The following FGF14 variants were observed in gnomAD, a reference collection of about 807,000 sequenced individuals.
FGF14 encodes the protein fibroblast growth factor homologous factor 4.
Under a neutral mutation model 25.5 loss-of-function variants are expected in FGF14, and 5 were observed. That is an observed-to-expected ratio of 0.20 (90% CI 0.10 to 0.41). The LOEUF (loss-of-function observed/expected upper bound fraction) is 0.41. FGF14 is among the 10% of genes least tolerant of loss of function. FGF14 has a pLI of 1.00. For synonymous variants in FGF14, 138 were observed against 118.3 expected (o/e 1.17, Z -1.08); for missense variants, 222 against 320.1 (o/e 0.69, Z 2.34).
chr13:102,143,943 A>G (rs1358982603), intron 1 of FGF14, among the ~76,000 whole-genome samples: 2 of 152,170 alleles, frequency 1.3e-5, no homozygotes, highest in Non-Finnish European at 2.9e-5. Flanking sequence ...AGTTTCCTAC[A>G]AAGTAGAAGT....
chr13:101,866,129 T>G (rs6491652), intron 3 of FGF14, among the ~76,000 whole-genome samples: 1 of 151,720 alleles, frequency 6.6e-6, no homozygotes, highest in African/African-American at 2.4e-5. Context: ...TCTTGACAAA[T>G]TTTCTATTAT....
At chr13:102,389,776 C>T (rs1483588154) in intron 1 of FGF14, among the ~76,000 whole-genome samples, 1 of 149,664 alleles carries the variant, frequency 6.7e-6, no homozygotes, top group African/African-American at 2.4e-5. Flanking sequence ...CTGAGACACT[C>T]AGCATTGCCC....
At chr13:102,163,472 G>A (rs1244348169) in intron 1 of FGF14, among the ~76,000 whole-genome samples, 2 of 152,176 alleles carry the variant, frequency 1.3e-5, no homozygotes, top group Non-Finnish European at 2.9e-5. Context: ...GAAGTTTAGA[G>A]CAAGTGGAAG....
At chr13:102,149,774 G>T (rs1380692984) in intron 1 of FGF14, among the ~76,000 whole-genome samples, 1 of 152,204 alleles carries the variant, frequency 6.6e-6, no homozygotes, top group Non-Finnish European at 1.5e-5. Context: ...CAGAGCTCCG[G>T]AAGCCTTGTA....
chr13:101,788,903 TATATATAGAGAGAGAGAG>T (rs1428684648), intron 3 of FGF14, among the ~76,000 whole-genome samples: 102 of 35,628 alleles, frequency 2.9e-3, no homozygotes, highest in African/African-American at 8.1e-3. Context: ...TATATATATA[TATATATAGAGAGAGAGAG>T]AGAGAGAGAG....
intron 1 of FGF14, among the ~76,000 whole-genome samples, chr13:102,306,935 GC>G (rs1594799604): frequency 6.6e-6 from 1 of 152,202 alleles, no homozygotes; most frequent in East Asian, 1.9e-4. Flanking sequence ...AGAGGGTGCT[GC>G]AGAAGTGATT....
Position 101,715,787 on chromosome 13 carries a change from C to A in FGF14, c.*7044G>T. 1.8e-6 allele frequency: 1 copy of A among 557,880 alleles called. No individual in the cohort carries two copies. Among genetic ancestry groups the A allele is most frequent in the Non-Finnish European group, 3.2e-6 (1 of 307,726 alleles). The allele number at this position is 557,880 out of a possible 1,614,324, so 34.6% of individuals were successfully genotyped here. A position where few individuals can be genotyped will look rare whatever the true frequency, so the allele number is the denominator to read the frequency against. ...TGTATGTTTTTCTATTTCTGAATTACGAATGAAATCCGAGTACCTATTAGA... is the reference window on the plus strand; with the variant it reads ...TGTATGTTTTTCTATTTCTGAATTAAGAATGAAATCCGAGTACCTATTAGA... On this transcript the variant is annotated 3_prime_UTR_variant, in exon 5 of 5. Coordinates refer to ENST00000376143, the MANE Select transcript of FGF14 (RefSeq NM_004115.4).
At chr13:101,819,456 G>C (rs2042005650) in intron 3 of FGF14, among the ~76,000 whole-genome samples, 1 of 152,160 alleles carries the variant, frequency 6.6e-6, no homozygotes, top group South Asian at 2.1e-4. Flanking sequence ...GTGAATAGGA[G>C]AGAAATGGGC....
chr13:101,900,713 G>A (rs906677245), intron 1 of FGF14, among the ~76,000 whole-genome samples: 4 of 152,110 alleles, frequency 2.6e-5, no homozygotes, highest in African/African-American at 9.7e-5. Flanking sequence ...TTTCTTGGGG[G>A]CCGGGTAGTG....
intron 1 of FGF14, among the ~76,000 whole-genome samples, chr13:102,065,861 G>A (rs1166879873): frequency 6.6e-6 from 1 of 151,818 alleles, no homozygotes; most frequent in East Asian, 1.9e-4. Context: ...TATTTGACCA[G>A]GAATTTACCA....
intron 1 of FGF14, among the ~76,000 whole-genome samples, chr13:102,332,184 T>C (rs909979207): frequency 6.6e-6 from 1 of 152,130 alleles, no homozygotes; most frequent in African/African-American, 2.4e-5. Context: ...GGGAAACTTT[T>C]TAAAGTTTTT....
At position 102,237,028 on chromosome 13, in the gene FGF14, T is replaced by C. The variant is rs544751873; in HGVS notation, c.208+164443A>G. ...GTCCCAAGAATGCCATTCTCCTGTG[T>C]GATCACGCCTCACAGGTATTGCTGG... On this transcript the variant is annotated intron_variant, in intron 1 of 4. Transcript: ENST00000376131. Among the ~76,000 whole-genome samples the C allele has an allele frequency of 4.6e-5, 7 of 152,262 alleles. No individual in the cohort carries two copies. In the South Asian group the frequency reaches 1.5e-3, roughly 32 times the overall value.
At chr13:102,082,798 CAAAA>C in intron 1 of FGF14, among the ~76,000 whole-genome samples, 1 of 146,594 alleles carries the variant, frequency 6.8e-6, no homozygotes, top group East Asian at 2.0e-4. Context: ...ACTAAAAATA[CAAAA>C]AAAAAATTAG....
At chr13:102,041,855 T>C (rs10508082) in intron 1 of FGF14, among the ~76,000 whole-genome samples, 4,047 of 152,202 alleles carry the variant, frequency 0.027, 198 homozygotes, top group African/African-American at 0.092. Flanking sequence ...TGGACATGAT[T>C]TCCTCACATT....
chr13:102,080,480 T>C (rs1223779109), intron 1 of FGF14, among the ~76,000 whole-genome samples: 2 of 152,188 alleles, frequency 1.3e-5, no homozygotes, highest in African/African-American at 4.8e-5. Flanking sequence ...TTTCTCACCC[T>C]TTGACTGCTG....
chr13:101,765,344 T>C (rs1417978963), intron 3 of FGF14, among the ~76,000 whole-genome samples: 2 of 152,208 alleles, frequency 1.3e-5, no homozygotes, highest in Admixed American at 1.3e-4. Context: ...TGCAGACCCT[T>C]GCTTGGCTGC....
intron 3 of FGF14, among the ~76,000 whole-genome samples, chr13:101,842,426 T>C (rs896942301): frequency 2.6e-5 from 4 of 152,134 alleles, no homozygotes; most frequent in South Asian, 2.1e-4. Flanking sequence ...ATAAAGATCC[T>C]CTTCAACACA....
intron 1 of FGF14, among the ~76,000 whole-genome samples, chr13:102,025,931 A>G (rs1306397129): frequency 1.3e-5 from 2 of 151,912 alleles, no homozygotes; most frequent in Non-Finnish European, 1.5e-5. Flanking sequence ...CATTATCTAT[A>G]TAGGGGGTTG....
chr13:102,231,055 C>A (rs2051063682), intron 1 of FGF14, among the ~76,000 whole-genome samples: 1 of 152,100 alleles, frequency 6.6e-6, no homozygotes, highest in Non-Finnish European at 1.5e-5. Flanking sequence ...TGAATTATTT[C>A]CCTTTTCTTT....
Sources: gnomAD v4.1 joint callset for allele counts (sites outside exome capture counted in the v4.1 genomes callset) on GRCh38, gnomAD v4.1.1 for gene constraint, MANE v1.5 for transcripts, NCBI Gene and HGNC (gene_info 2026-07-23, HGNC 2026-07-21) for gene names.